Variants in TRPM1 observed in about 807,000 individuals in gnomAD.
TRPM1 encodes TRPM1-203 APA Isoform, Intron 10.
A neutral mutation model predicts 149.4 loss-of-function variants in TRPM1; 113 were observed. The ratio of observed to expected loss-of-function variants is 0.76; its 90% CI spans 0.65 to 0.88. The LOEUF (loss-of-function observed/expected upper bound fraction) is 0.88. TRPM1 is among the 40% of genes least tolerant of loss of function. The pLI is 0.00. For synonymous variants in TRPM1, 741 were observed against 759.5 expected (o/e 0.98, Z 0.40); for missense variants, 1,976 against 2,038.7 (o/e 0.97, Z 0.59).
At chr15:31,046,080 T>C in intron 16 of TRPM1, 124 bp downstream of exon 16, 1 of 859,002 alleles carries the variant, frequency 1.2e-6, no homozygotes, top group Non-Finnish European at 1.9e-6. Context: ...TTTTATATAA[T>C]TTGACTAAGA....
In TRPM1 at chr15:31,002,957, C is replaced by A. The variant is rs1264342659; in HGVS notation, c.3743G>T (p.Arg1248Ile). 6.2e-7 allele frequency: 1 copy of A among 1,600,204 alleles called. No homozygotes were observed. The highest frequency in any genetic ancestry group is 8.5e-7 in the Non-Finnish European group (1 of 1,172,508). The change falls in exon 28 of 28, where the codon AGA (arginine) becomes ATA (isoleucine). Residue 1248 changes from arginine (R) to isoleucine (I), a missense_variant. Arg to Ile is a moderately conservative substitution (Grantham distance 97, BLOSUM62 -3). Coordinates refer to ENST00000256552, the MANE Select transcript of TRPM1 (RefSeq NM_001252024.2). ...AAGATTTTCAAGAGCATTCACCATT[C>A]TGTTAGATAATTCTTCTAGCTGAGC... ...RLAQLEELSN[R>I]MVNALENLAG...
chr15:31,022,437 C>A (rs964723489), intron 27 of TRPM1, among the ~76,000 whole-genome samples: 1 of 152,198 alleles, frequency 6.6e-6, no homozygotes, highest in Non-Finnish European at 1.5e-5. Context: ...TTGAGATCAG[C>A]CTGGGCAACA....
intron 1 of TRPM1, among the ~76,000 whole-genome samples, chr15:31,122,692 T>C (rs999363120): frequency 6.6e-6 from 1 of 152,140 alleles, no homozygotes; most frequent in East Asian, 1.9e-4. Context: ...TATAAATAAA[T>C]GAAGAGATAT....
intron 2 of TRPM1, among the ~76,000 whole-genome samples, chr15:31,079,595 G>A (rs984294251): frequency 2.0e-5 from 3 of 152,238 alleles, no homozygotes; most frequent in South Asian, 2.1e-4. Flanking sequence ...GGCTTTTGCC[G>A]TAGCCCATTC....
chr15:31,127,986 C>T (rs2035972680), intron 1 of TRPM1, among the ~76,000 whole-genome samples: 1 of 152,188 alleles, frequency 6.6e-6, no homozygotes, highest in Admixed American at 6.5e-5. Flanking sequence ...GAGGTGGTAA[C>T]TTGGCTGACA....
intron 1 of TRPM1, among the ~76,000 whole-genome samples, chr15:31,158,983 G>T (rs2036412326): frequency 6.6e-6 from 1 of 152,054 alleles, no homozygotes. Context: ...AACTTTCTGA[G>T]AATGCAGCCC....
Position 31,088,711 on chromosome 15 carries a change from A to G in TRPM1, c.-83-7273T>C, listed in dbSNP as rs144356873. On this transcript the variant is annotated intron_variant, in intron 1 of 27. Transcript: ENST00000256552. ...CTTTTTGGGATTTGGGGGCCGTCGT[A>G]TGAGATTGACTGAAGCGGCGGTATT... Among the ~76,000 whole-genome samples, 664 of 151,718 alleles carry G rather than the reference A, an allele frequency of 4.4e-3. 11 individuals are homozygous for G. The highest frequency in any genetic ancestry group is 0.034 in the Admixed American group (519 of 15,258).
intron 1 of TRPM1, among the ~76,000 whole-genome samples, chr15:31,159,670 C>T (rs1176232514): frequency 6.6e-6 from 1 of 152,028 alleles, no homozygotes; most frequent in Non-Finnish European, 1.5e-5. Flanking sequence ...TTTAAAGAGC[C>T]TTTTATTTTT....
At position 31,142,342 on chromosome 15, in the gene TRPM1, G is replaced by A. The variant is rs886254466; in HGVS notation, c.54+18564C>T. 5.3e-5 allele frequency among the ~76,000 whole-genome samples: 8 copies of A among 152,254 alleles called. No individual in the cohort carries two copies. The East Asian group carries it at 1.5e-3, about 29-fold the overall frequency. ...CAAAAAAGTACACTGATGCAAAACT[G>A]AAATTTGATTTATTGTGTTAAAACA... On this transcript the variant is annotated intron_variant, in intron 1 of 26. Coordinates refer to the TRPM1 transcript ENST00000542188.
In TRPM1 at chr15:31,089,311, T is replaced by C. The variant is rs566724346; in HGVS notation, c.-83-7873A>G. 4.9e-4 allele frequency among the ~76,000 whole-genome samples: 72 copies of C among 146,000 alleles called. 1 individual carries two copies. Among genetic ancestry groups the C allele is most frequent in the African/African-American group, 1.7e-3 (64 of 37,302 alleles). On this transcript the variant is annotated intron_variant, in intron 1 of 27. Coordinates refer to ENST00000256552, the MANE Select transcript of TRPM1 (RefSeq NM_001252024.2). ...GCCCGGGAGGGTTTATATATAGTTATGTTTTTTTGGTTGTTAACTTTTCCC... is the reference window on the plus strand; with the variant it reads ...GCCCGGGAGGGTTTATATATAGTTACGTTTTTTTGGTTGTTAACTTTTCCC...
chr15:31,060,307 C>T lies in TRPM1; in HGVS notation c.1263+237G>A, dbSNP rs555880822. 1.7e-5 allele frequency: 10 copies of T among 582,346 alleles called. No individual in the cohort carries two copies. The East Asian group carries it at 2.0e-4, about 12-fold the overall frequency. The allele number at this position is 582,346 out of a possible 1,614,324, so 36.1% of individuals were successfully genotyped here. A position where few individuals can be genotyped will look rare whatever the true frequency, so the allele number is the denominator to read the frequency against. On this transcript the variant is annotated intron_variant, in intron 11 of 27. Coordinates refer to ENST00000256552, the MANE Select transcript of TRPM1 (RefSeq NM_001252024.2). ...GGTAAAAACCCACTTTCATCAGCAACGATAAAATATTTGGTGATTAATTTC... is the reference window on the plus strand; with the variant it reads ...GGTAAAAACCCACTTTCATCAGCAATGATAAAATATTTGGTGATTAATTTC...
chr15:31,105,482 C>T (rs562242165), upstream of TRPM1, among the ~76,000 whole-genome samples: 12 of 151,178 alleles, frequency 7.9e-5, no homozygotes, highest in South Asian at 6.3e-4. Context: ...TGCGCGCGCG[C>T]GCGCGTGCAT....
rs1399042739 is a variant in TRPM1 at position 31,062,694 on chromosome 15, T to C, written c.974A>G (p.Asn325Ser). ...TAGAAGCTGCTCCCTGAGGGACTCA[T>C]TTATTATTCTGTTCAAAGAAAATGC... ...HKYCEEGGII[N>S]ESLREQLLVT... is the part of the protein sequence containing the mutation. The change falls in exon 9 of 28, where the codon AAT becomes AGT. Residue 325 changes from asparagine to serine, a missense_variant. By Grantham distance (46) the Asn-to-Ser change is conservative (BLOSUM62 1). This residue lies in a region of TRPM1 where 1,332 missense variants were observed against 1,347.1 expected (regional missense o/e 0.99). Coordinates refer to ENST00000256552, the MANE Select transcript of TRPM1 (RefSeq NM_001252024.2). 1.2e-6 allele frequency: 2 copies of C among 1,613,990 alleles called. No individual in the cohort carries two copies. The highest frequency in any genetic ancestry group is 2.2e-5 in the South Asian group (2 of 91,084).
At chr15:31,073,488 A>G (rs1278865737) in intron 3 of TRPM1, among the ~76,000 whole-genome samples, 2 of 152,230 alleles carry the variant, frequency 1.3e-5, no homozygotes, top group Admixed American at 6.5e-5. Flanking sequence ...TTATGTTGCC[A>G]GTTTCATTTC....
intron 1 of TRPM1, among the ~76,000 whole-genome samples, chr15:31,109,404 TAGAA>T (rs944130456): frequency 4.3e-5 from 3 of 70,382 alleles, no homozygotes; most frequent in African/African-American, 1.0e-4. Context: ...AAAGAAAAAA[TAGAA>T]AGAAGAGGCC....
intron 1 of TRPM1, among the ~76,000 whole-genome samples, chr15:31,135,111 CAAGAAGTCCCGGT>C (rs1366416248): frequency 6.6e-6 from 1 of 152,188 alleles, no homozygotes; most frequent in Non-Finnish European, 1.5e-5. Flanking sequence ...TCTTTTGTTA[CAAGAAGTCCCGGT>C]AAGAACTCAT....
intron 4 of TRPM1, chr15:31,069,450 T>C: frequency 2.0e-6 from 2 of 1,018,144 alleles, no homozygotes; most frequent in South Asian, 9.1e-5. Flanking sequence ...TAAAATGAAA[T>C]TGCAAAAAGT....
At chr15:31,127,565 G>A (rs967898779) in intron 1 of TRPM1, among the ~76,000 whole-genome samples, 1 of 152,168 alleles carries the variant, frequency 6.6e-6, no homozygotes, top group Admixed American at 6.5e-5. Flanking sequence ...CTAACATTCC[G>A]TTTGGGTTCC....
chr15:31,015,197 A>G (rs920178238), intron 27 of TRPM1, among the ~76,000 whole-genome samples: 1 of 151,862 alleles, frequency 6.6e-6, no homozygotes, highest in African/African-American at 2.4e-5. Context: ...ACCTGAGGTC[A>G]GGAGTTCCAG....
Sources: gnomAD v4.1 joint callset for allele counts (sites outside exome capture counted in the v4.1 genomes callset) on GRCh38, gnomAD v4.1.1 for gene constraint, gnomAD v4.1.1 regional missense constraint, MANE v1.5 for transcripts, NCBI Gene and HGNC (gene_info 2026-07-23, HGNC 2026-07-21) for gene names.